The following MACROD2 variants were observed in gnomAD, a reference collection of about 807,000 sequenced individuals.
MACROD2 encodes the protein mono-ADP ribosylhydrolase 2.
A neutral mutation model predicts 70.4 loss-of-function variants in MACROD2; 36 were observed. The observed-to-expected ratio is 0.51, with a 90% CI of 0.39 to 0.68. MACROD2 has a LOEUF of 0.68. MACROD2 is among the 30% of genes least tolerant of loss of function. The pLI is 0.00. For missense variants in MACROD2, 496 were observed against 538.4 expected (o/e 0.92, Z 0.78); for synonymous variants, 172 against 178.8 (o/e 0.96, Z 0.30).
intron 8 of MACROD2, among the ~76,000 whole-genome samples, chr20:15,755,036 T>G (rs1469826149): frequency 6.6e-6 from 1 of 152,164 alleles, no homozygotes; most frequent in African/African-American, 2.4e-5. Flanking sequence ...TTTTTGTATT[T>G]TTCATAGAGA....
At chr20:16,008,109 G>A (rs1027654097) in intron 15 of MACROD2, among the ~76,000 whole-genome samples, 3 of 152,140 alleles carry the variant, frequency 2.0e-5, no homozygotes, top group African/African-American at 7.2e-5. Context: ...TTTTCCTGAC[G>A]TTTCTGCTGA....
chr20:15,983,234 A>G lies in MACROD2; in HGVS notation c.986-3493A>G, dbSNP rs571571825. ...ATCTGGTATTCCTTGTGGGGCTCCA[A>G]TTGCATCTAAATAGATGTGAGAGTT... On this transcript the variant is annotated intron_variant, in intron 13 of 17. Transcript: ENST00000684519. Among the ~76,000 whole-genome samples the G allele has an allele frequency of 6.6e-5, 10 of 152,310 alleles. No homozygotes were observed. In the East Asian group the frequency reaches 9.7e-4, roughly 15 times the overall value.
At chr20:16,035,097 TATATATTATA>T (rs368339937) in intron 15 of MACROD2, among the ~76,000 whole-genome samples, 47,322 of 115,994 alleles carry the variant, frequency 0.41, 12,543 homozygotes, top group South Asian at 0.59. Context: ...TATAAAATAT[TATATATTATA>T]TATAAAATAT....
intron 3 of MACROD2, among the ~76,000 whole-genome samples, chr20:14,245,346 G>A (rs1601394896): frequency 7.1e-6 from 1 of 140,686 alleles, no homozygotes; most frequent in South Asian, 2.3e-4. Flanking sequence ...CTGGGTGACA[G>A]AGCTAGACTT....
chr20:14,293,579 G>A (rs1411637443), intron 3 of MACROD2, among the ~76,000 whole-genome samples: 1 of 151,872 alleles, frequency 6.6e-6, no homozygotes, highest in African/African-American at 2.4e-5. Context: ...GCGGGCTGGG[G>A]AGTGGTAAGG....
At chr20:14,799,127 A>T (rs1008402202) in intron 5 of MACROD2, among the ~76,000 whole-genome samples, 1 of 152,030 alleles carries the variant, frequency 6.6e-6, no homozygotes, top group Non-Finnish European at 1.5e-5. Context: ...GTAGAATTAT[A>T]AAAAAAGTTA....
intron 4 of MACROD2, among the ~76,000 whole-genome samples, chr20:14,506,790 A>C (rs928718686): frequency 6.6e-6 from 1 of 152,120 alleles, no homozygotes; most frequent in African/African-American, 2.4e-5. Context: ...CTCCACTAAA[A>C]AATACAAAAA....
intron 8 of MACROD2, among the ~76,000 whole-genome samples, chr20:15,604,332 CA>C (rs1319564118): frequency 6.6e-6 from 1 of 152,224 alleles, no homozygotes; most frequent in Admixed American, 6.5e-5. Context: ...GGTTGTGAAA[CA>C]AAATTACCAA....
chr20:15,999,636 A>G (rs541434940), intron 15 of MACROD2, among the ~76,000 whole-genome samples: 1 of 152,272 alleles, frequency 6.6e-6, no homozygotes, highest in Non-Finnish European at 1.5e-5. Context: ...TATTTGCTTT[A>G]TATATTTAGA....
At chr20:14,940,023 A>G (rs1182812661) in intron 5 of MACROD2, among the ~76,000 whole-genome samples, 1 of 151,852 alleles carries the variant, frequency 6.6e-6, no homozygotes, top group Non-Finnish European at 1.5e-5. Flanking sequence ...GGTTTTCCTA[A>G]GTACAAGATC....
chr20:15,905,200 G>A (rs530957507), intron 10 of MACROD2, among the ~76,000 whole-genome samples: 1 of 152,178 alleles, frequency 6.6e-6, no homozygotes, highest in Admixed American at 6.5e-5. Context: ...ATGGCCAAGT[G>A]GGCCTCTGAG....
intron 4 of MACROD2, among the ~76,000 whole-genome samples, chr20:14,516,661 A>G (rs408176): frequency 0.82 from 124,753 of 152,026 alleles, 51,606 homozygotes; most frequent in East Asian, 1. Context: ...ATTGGTCTAT[A>G]TATCTGTTTT....
At chr20:15,049,203 A>G (rs1421442947) in intron 5 of MACROD2, among the ~76,000 whole-genome samples, 1 of 152,134 alleles carries the variant, frequency 6.6e-6, no homozygotes, top group Non-Finnish European at 1.5e-5. Context: ...TAATGCCTAT[A>G]GAGATCAGGG....
intron 3 of MACROD2, chr20:14,323,397 C>A (rs1330679186): frequency 6.6e-6 from 1 of 152,044 alleles, no homozygotes; most frequent in Non-Finnish European, 1.5e-5. Flanking sequence ...GCTTCCATGC[C>A]CTCTCCAGGC....
intron 5 of MACROD2, chr20:14,894,010 T>C (rs2073796149): frequency 6.6e-6 from 1 of 151,668 alleles, no homozygotes; most frequent in African/African-American, 2.4e-5. Flanking sequence ...GGTCTCAAAC[T>C]CCTCAGCTCA....
At chr20:14,515,934 A>C (rs2085092750) in intron 4 of MACROD2, among the ~76,000 whole-genome samples, 1 of 149,616 alleles carries the variant, frequency 6.7e-6, no homozygotes, top group Non-Finnish European at 1.5e-5. Flanking sequence ...TACATAGATC[A>C]AAACATTACA....
At chr20:15,348,609 TG>T (rs1279537198) in intron 6 of MACROD2, among the ~76,000 whole-genome samples, 3 of 152,164 alleles carry the variant, frequency 2.0e-5, no homozygotes, top group African/African-American at 7.2e-5. Context: ...TCCACATGGC[TG>T]GGGAGGCCTC....
In MACROD2 at chr20:14,349,861, G is replaced by A. The variant is rs1013052858; in HGVS notation, c.272-143618G>A. On this transcript the variant is annotated intron_variant, in intron 3 of 17. Coordinates refer to ENST00000684519, the MANE Select transcript of MACROD2 (RefSeq NM_001351661.2). ...GGCTGGAGTGCAATGCGATTCTCCT[G>A]CCTCAGCCTCCCAAGTAGCTGGAAC... 7.3e-5 allele frequency among the ~76,000 whole-genome samples: 9 copies of A among 123,164 alleles called. No homozygotes were observed. In the East Asian group the frequency reaches 1.1e-3, roughly 15 times the overall value. The allele number at this position is 123,164 out of a possible 152,430, so 80.8% of individuals were successfully genotyped here.
chr20:15,209,121 A>ATTTATTTATTTG (rs2076738875), intron 5 of MACROD2, among the ~76,000 whole-genome samples: 1 of 118,536 alleles, frequency 8.4e-6, no homozygotes, highest in Non-Finnish European at 1.8e-5. Flanking sequence ...GGTGGTATTT[A>ATTTATTTATTTG]TTTATTTATT....
Sources: allele counts gnomAD v4.1 joint callset (sites outside exome capture counted in the v4.1 genomes callset), GRCh38; gene constraint gnomAD v4.1.1; transcripts MANE v1.5; gene names NCBI Gene and HGNC (gene_info 2026-07-23, HGNC 2026-07-21).